Variants in SPAG9 observed in about 807,000 individuals in gnomAD.
SPAG9 encodes the protein sperm associated antigen 9.
A neutral mutation model predicts 166.5 loss-of-function variants in SPAG9; 35 were observed. The ratio of observed to expected loss-of-function variants is 0.21; its 90% confidence interval spans 0.16 to 0.28. The LOEUF is 0.28. SPAG9 is among the 10% of genes least tolerant of loss of function. The pLI is 1.00. For missense variants in SPAG9, 1,235 were observed against 1,603.3 expected, an observed-to-expected ratio of 0.77 and a Z score of 3.92; for synonymous variants, 534 against 565.5, an observed-to-expected ratio of 0.94 and a Z score of 0.79.
At position 51,055,097 on chromosome 17, in the gene SPAG9, C is replaced by G. The variant is rs143606566; in HGVS notation, c.495+1315G>C. Among the ~76,000 whole-genome samples the G allele has an allele frequency of 5.0e-3, 764 of 152,156 alleles. 7 individuals carry two copies. Among genetic ancestry groups the G allele is most frequent in the Non-Finnish European group, 7.1e-3 (483 of 68,000 alleles). On this transcript the variant is annotated intron_variant, in intron 3 of 29. Coordinates refer to ENST00000262013, the MANE Select transcript of SPAG9 (RefSeq NM_001130528.3). The stretch of plus-strand genomic sequence containing the variant: ...GCACACTGGCTCACACGTGTAATGC[C>G]AGCACTTTGGGAGGCCGAGGTGGGT...
intron 28 of SPAG9, among the ~76,000 whole-genome samples, chr17:50,972,102 C>T (rs1242237889): frequency 6.6e-6 from 1 of 152,098 alleles, no homozygotes. Flanking sequence ...GCTATGTTTG[C>T]CCAGGCTGGT....
intron 1 of SPAG9, among the ~76,000 whole-genome samples, chr17:51,109,731 T>C (rs529974739): frequency 5.3e-5 from 8 of 152,020 alleles, no homozygotes; most frequent in Admixed American, 3.9e-4. Context: ...CTTTTCTTTT[T>C]GACAGAGTCT....
chr17:50,976,428 C>T (rs1168349187), intron 27 of SPAG9, among the ~76,000 whole-genome samples: 11 of 152,096 alleles, frequency 7.2e-5, no homozygotes, highest in Non-Finnish European at 4.4e-5. Flanking sequence ...TTCCGAAATA[C>T]CTTCTAGTCT....
rs1323693888 is a variant in SPAG9 at position 51,120,685 on chromosome 17, G to A, written c.-29C>T. The A allele has an allele frequency of 6.5e-7, 1 of 1,536,204 alleles. No individual in the cohort carries two copies. Among genetic ancestry groups the A allele is most frequent in the East Asian group, 2.4e-5 (1 of 40,916 alleles). On this transcript the variant is annotated 5_prime_UTR_variant, in exon 1 of 30. Coordinates refer to ENST00000262013, the MANE Select transcript of SPAG9 (RefSeq NM_001130528.3). The surrounding 1 kb of genome is among the most constrained non-coding windows in gnomAD (Gnocchi z 4.7). ...GGCAAGCGGACGGGCGGGCGGCCCG[G>A]GGCGTCGCCGGCAGAGGGGCGGCAC... is the stretch of plus-strand genomic sequence containing the variant.
At chr17:50,969,343 C>A (rs929089495) in intron 29 of SPAG9, among the ~76,000 whole-genome samples, 1 of 152,164 alleles carries the variant, frequency 6.6e-6, no homozygotes, top group South Asian at 2.1e-4. Context: ...TCCCTCCAGA[C>A]CTGCTTCTCC....
chr17:51,033,573 C>G (rs918467237), intron 5 of SPAG9, among the ~76,000 whole-genome samples: 1 of 152,148 alleles, frequency 6.6e-6, no homozygotes, highest in Non-Finnish European at 1.5e-5. Context: ...GCTGAAGTGC[C>G]GTGGCTATTC....
At chr17:51,090,245 G>C (rs2048429158) in intron 1 of SPAG9, among the ~76,000 whole-genome samples, 1 of 152,160 alleles carries the variant, frequency 6.6e-6, no homozygotes. Context: ...CACTTGGCCA[G>C]GTGCGGTGGC....
chr17:51,066,869 C>T lies in SPAG9; in HGVS notation c.425-10387G>A, dbSNP rs187327048. Among the ~76,000 whole-genome samples the T allele has an allele frequency of 2.9e-3, 438 of 151,398 alleles. 4 individuals carry two copies. Among genetic ancestry groups the T allele is most frequent in the Non-Finnish European group, 1.7e-3 (114 of 67,848 alleles). On this transcript the variant is annotated intron_variant, in intron 2 of 29. Coordinates refer to ENST00000262013, the MANE Select transcript of SPAG9 (RefSeq NM_001130528.3). ...ATTACACCACTGCGCTCTAGCCTGGCGACAGAGCAAGAGTCCATCTCAAAA... is the reference window on the plus strand; with the variant it reads ...ATTACACCACTGCGCTCTAGCCTGGTGACAGAGCAAGAGTCCATCTCAAAA...
intron 28 of SPAG9, 35 bp from the exon 29 acceptor site, chr17:50,970,891 A>G: frequency 6.4e-7 from 1 of 1,563,644 alleles, no homozygotes; most frequent in Non-Finnish European, 8.7e-7. Context: ...AATATTACTT[A>G]TCACAGAAGG....
chr17:51,076,995 TAGC>T (rs2047993932), intron 2 of SPAG9, among the ~76,000 whole-genome samples: 3 of 90,644 alleles, frequency 3.3e-5, no homozygotes, highest in Admixed American at 1.0e-4. Flanking sequence ...TCTAGCTATC[TAGC>T]TATCTAGCTA....
At chr17:50,973,081 G>C (rs1355347961) in intron 28 of SPAG9, among the ~76,000 whole-genome samples, 1 of 152,162 alleles carries the variant, frequency 6.6e-6, no homozygotes, top group Non-Finnish European at 1.5e-5. Context: ...TATAATACCA[G>C]TTAAATGAAT....
chr17:51,086,251 A>C (rs1291271152), intron 1 of SPAG9, among the ~76,000 whole-genome samples: 1 of 150,122 alleles, frequency 6.7e-6, no homozygotes, highest in Non-Finnish European at 1.5e-5. Context: ...AAGCGCTGGG[A>C]TTACAGGTGT....
rs971346546 is a variant in SPAG9, at chr17:51,118,386, G to A, written c.303+1968C>T. On this transcript the variant is annotated intron_variant, in intron 1 of 29. Coordinates refer to ENST00000262013, the MANE Select transcript of SPAG9 (RefSeq NM_001130528.3). Reference sequence around the variant, plus strand: ...ATAGGGAACCCAGAGTCTAGCAGTCGGGCAATTTTGTTTTCTGATTCTGCA... The same window carrying A: ...ATAGGGAACCCAGAGTCTAGCAGTCAGGCAATTTTGTTTTCTGATTCTGCA... Among the ~76,000 whole-genome samples the A allele has an allele frequency of 1.8e-4, 27 of 152,128 alleles. No individual in the cohort carries two copies. In the East Asian group the frequency reaches 4.6e-3, roughly 26 times the overall value.
intron 2 of SPAG9, among the ~76,000 whole-genome samples, chr17:51,074,312 C>G (rs978377035): frequency 2.6e-5 from 4 of 152,288 alleles, no homozygotes; most frequent in African/African-American, 9.6e-5. Flanking sequence ...GTAATCCCAG[C>G]TACTCGGGAG....
chr17:50,993,729 AG>A, intron 19 of SPAG9, 34 bp downstream of exon 19: 1 of 1,602,686 alleles, frequency 6.2e-7, no homozygotes, highest in Non-Finnish European at 8.5e-7. Flanking sequence ...AGGTGGATGG[AG>A]GGGAGGGCAG....
chr17:51,075,054 G>A (rs1380700735), intron 2 of SPAG9, among the ~76,000 whole-genome samples: 1 of 151,638 alleles, frequency 6.6e-6, no homozygotes, highest in African/African-American at 2.4e-5. Flanking sequence ...AAATTAGCCA[G>A]GCATAATGAC....
intron 1 of SPAG9, among the ~76,000 whole-genome samples, chr17:51,110,006 T>C (rs1031537634): frequency 6.6e-6 from 1 of 152,092 alleles, no homozygotes; most frequent in African/African-American, 2.4e-5. Flanking sequence ...GCTACTACAC[T>C]CGGCCTTGGA....
rs1298710719 is a variant in SPAG9 at position 50,994,017 on chromosome 17, C to T, written c.2227-82G>A. ...AAGGTGGTGCTGTTACAGTAAAAGG[C>T]AATACTATTTCAAATTTATTTCCAG... On this transcript the variant is annotated intron_variant, in intron 18 of 29. Transcript: ENST00000262013. The T allele has an allele frequency of 6.6e-6, 8 of 1,216,812 alleles. No homozygotes were observed. In the East Asian group the frequency reaches 1.2e-4, roughly 19 times the overall value. 75.4% of individuals were successfully genotyped at this position (1,216,812 alleles called of 1,614,324 possible). A position where few individuals can be genotyped will look rare whatever the true frequency, so the allele number is the denominator to read the frequency against.
At position 50,991,140 on chromosome 17, in the gene SPAG9, C is replaced by T. The variant is rs112757733; in HGVS notation, c.2399-472G>A. Among the ~76,000 whole-genome samples, 839 of 151,684 alleles carry T rather than the reference C, an allele frequency of 5.5e-3. 8 individuals are homozygous for T. The highest frequency in any genetic ancestry group is 0.019 in the African/African-American group (784 of 41,370). ...CAGGCTGGTCTTGAACTCCTGGCCT[C>T]AAGGGATCCACCAACCTCAGACAAG... On this transcript the variant is annotated intron_variant, in intron 19 of 29. Transcript: ENST00000262013.
Sources: allele counts gnomAD v4.1 joint callset (sites outside exome capture counted in the v4.1 genomes callset), GRCh38; gene constraint gnomAD v4.1.1; non-coding constraint Gnocchi (gnomAD v3.1); transcripts MANE v1.5; gene names NCBI Gene and HGNC (gene_info 2026-07-23, HGNC 2026-07-21).